SAXO1: variants seen among roughly 807,000 people sequenced by gnomAD.
SAXO1 encodes the protein stabilizer of axonemal microtubules 1.
SAXO1 carries 21 observed loss-of-function variants against 17.5 expected under a neutral mutation model. That is an observed-to-expected ratio of 1.20 (90% CI 0.85 to 1.72). The LOEUF (loss-of-function observed/expected upper bound fraction) is 1.72, where lower values mean the gene tolerates loss of function less well. Ranked by LOEUF, SAXO1 falls within the 40% of genes most tolerant of loss-of-function variation. SAXO1 has a pLI of 0.00. For missense variants in SAXO1, 843 were observed against 596.0 expected (o/e 1.41, Z -4.32); for synonymous variants, 274 against 216.5 (o/e 1.27, Z -2.33).
intron 1 of SAXO1, chr9:19,027,228 CGACA>C (rs1321768634): frequency 8.6e-7 from 1 of 1,157,402 alleles, no homozygotes. Context: ...AACCTCTACA[CGACA>C]GACATACTTC....
chr9:18,988,129 C>T (rs956652464), intron 1 of SAXO1, among the ~76,000 whole-genome samples: 3 of 152,150 alleles, frequency 2.0e-5, no homozygotes, highest in African/African-American at 7.2e-5. Flanking sequence ...TTTGAAAAAG[C>T]ACAGAATGAG....
At position 18,967,784 on chromosome 9, in the gene SAXO1, T is replaced by C. The variant is rs536751844; in HGVS notation, c.39-16847A>G. 2.4e-4 allele frequency among the ~76,000 whole-genome samples: 34 copies of C among 142,768 alleles called. 1 individual carries two copies. The highest frequency in any genetic ancestry group is 1.3e-3 in the Admixed American group (20 of 15,134). The allele number at this position is 142,768 out of a possible 152,430, so 93.7% of individuals were successfully genotyped here. A position where few individuals can be genotyped will look rare whatever the true frequency, so the allele number is the denominator to read the frequency against. ...TGTCTCACCAGCGTTCCGGGCACCA[T>C]TGGGGTATGAAAAAAAAAACTCCTG... On this transcript the variant is annotated intron_variant, in intron 1 of 3. Coordinates refer to ENST00000380534, the MANE Select transcript of SAXO1 (RefSeq NM_153707.4).
chr9:19,011,588 G>C (rs11789032), intron 1 of SAXO1, among the ~76,000 whole-genome samples: 11,815 of 152,226 alleles, frequency 0.078, 594 homozygotes, highest in African/African-American at 0.13. Flanking sequence ...TTGGTGGAAA[G>C]TAGGGTCAAA....
At chr9:19,039,086 G>C (rs765714943) in intron 1 of SAXO1, among the ~76,000 whole-genome samples, 1 of 151,084 alleles carries the variant, frequency 6.6e-6, no homozygotes, top group Non-Finnish European at 1.5e-5. Context: ...AAAGTGGTGA[G>C]ATCACACCAC....
At chr9:18,934,843 T>G (rs946142683) in intron 3 of SAXO1, among the ~76,000 whole-genome samples, 1 of 152,248 alleles carries the variant, frequency 6.6e-6, no homozygotes, top group African/African-American at 2.4e-5. Context: ...CCTGCACTAA[T>G]TCCATAGAGT....
At chr9:18,965,709 CTG>C (rs1251994573) in intron 1 of SAXO1, among the ~76,000 whole-genome samples, 1 of 152,202 alleles carries the variant, frequency 6.6e-6, no homozygotes, top group East Asian at 1.9e-4. Context: ...ATTTGCCAGT[CTG>C]TGTCTTTTAA....
chr9:18,960,005 G>A (rs935359773), intron 1 of SAXO1, among the ~76,000 whole-genome samples: 3 of 152,160 alleles, frequency 2.0e-5, no homozygotes, highest in South Asian at 2.1e-4. Context: ...CAGGCATCAG[G>A]CTGAGTGGGC....
chr9:18,982,342 T>C (rs563320397), intron 1 of SAXO1, among the ~76,000 whole-genome samples: 2 of 152,208 alleles, frequency 1.3e-5, no homozygotes, highest in Non-Finnish European at 2.9e-5. Flanking sequence ...GCAATTTTTA[T>C]TGGGTAATAA....
intron 1 of SAXO1, among the ~76,000 whole-genome samples, chr9:19,028,300 C>T (rs1352876358): frequency 6.6e-6 from 1 of 152,144 alleles, no homozygotes; most frequent in Non-Finnish European, 1.5e-5. Flanking sequence ...CGCTTGAGCC[C>T]GGGAGGCGGA....
intron 1 of SAXO1, among the ~76,000 whole-genome samples, chr9:19,025,648 A>G (rs567063917): frequency 2.7e-4 from 41 of 152,356 alleles, no homozygotes; most frequent in African/African-American, 8.7e-4. Context: ...CCAATGCTTC[A>G]TAAATATTTC....
intron 1 of SAXO1, among the ~76,000 whole-genome samples, chr9:19,045,490 G>T (rs1334279432): frequency 6.6e-6 from 1 of 152,170 alleles, no homozygotes; most frequent in African/African-American, 2.4e-5. Flanking sequence ...AAACACCAGA[G>T]ACACAGAGGA....
At chr9:19,026,130 G>C (rs1160173825) in intron 1 of SAXO1, among the ~76,000 whole-genome samples, 1 of 152,130 alleles carries the variant, frequency 6.6e-6, no homozygotes, top group East Asian at 1.9e-4. Flanking sequence ...ACAAATAAAT[G>C]ATCAATGTGT....
chr9:19,025,576 C>A (rs1835438350), intron 1 of SAXO1, among the ~76,000 whole-genome samples: 1 of 152,200 alleles, frequency 6.6e-6, no homozygotes, highest in Admixed American at 6.5e-5. Context: ...AATCCACATC[C>A]TTTTCAGCAA....
intron 1 of SAXO1, among the ~76,000 whole-genome samples, chr9:19,006,612 G>C (rs10757017): frequency 0.47 from 71,961 of 152,056 alleles, 18,226 homozygotes; most frequent in Non-Finnish European, 0.57. Flanking sequence ...GGCAGGATGG[G>C]AGGGAGGGGT....
In SAXO1 at chr9:18,945,998, C is replaced by T. The variant is rs557854596; in HGVS notation, c.219-4159G>A. Among the ~76,000 whole-genome samples the T allele has an allele frequency of 2.4e-3, 361 of 152,206 alleles. 1 individual carries two copies. The highest frequency in any genetic ancestry group is 7.7e-3 in the African/African-American group (321 of 41,532). On this transcript the variant is annotated intron_variant, in intron 2 of 3. Coordinates refer to ENST00000380534, the MANE Select transcript of SAXO1 (RefSeq NM_153707.4). ...TGACTACAAAAACCAGAAGGCTGGCCGGGCACGGTGGCCCATGCTTGTAAT... is the reference window on the plus strand; with the variant it reads ...TGACTACAAAAACCAGAAGGCTGGCTGGGCACGGTGGCCCATGCTTGTAAT...
chr9:18,939,507 G>A lies in SAXO1; in HGVS notation c.421+2130C>T, dbSNP rs1034560474. On this transcript the variant is annotated intron_variant, in intron 3 of 3. Coordinates refer to ENST00000380534, the MANE Select transcript of SAXO1 (RefSeq NM_153707.4). ...CATATAGCATCCAGCCTGACATGGC[G>A]GAAGGGCTCAGAATGTGATCTTTCA... 5.3e-5 allele frequency among the ~76,000 whole-genome samples: 8 copies of A among 152,238 alleles called. No individual in the cohort carries two copies. The South Asian group carries it at 1.0e-3, about 20-fold the overall frequency.
chr9:18,983,046 G>A (rs1398132315), intron 1 of SAXO1, among the ~76,000 whole-genome samples: 1 of 151,980 alleles, frequency 6.6e-6, no homozygotes, highest in Non-Finnish European at 1.5e-5. Context: ...TAGCCAGACG[G>A]ACCATTAGCA....
At chr9:19,040,148 G>A (rs908813561) in intron 1 of SAXO1, among the ~76,000 whole-genome samples, 1 of 152,148 alleles carries the variant, frequency 6.6e-6, no homozygotes, top group Non-Finnish European at 1.5e-5. Flanking sequence ...TGATTTATAA[G>A]ATGCTAAATG....
chr9:19,032,394 T>C (rs1216713710), intron 1 of SAXO1, among the ~76,000 whole-genome samples: 1 of 152,248 alleles, frequency 6.6e-6, no homozygotes, highest in Non-Finnish European at 1.5e-5. Context: ...GTTTTCATTA[T>C]CCTTATTCAA....
Sources: gnomAD v4.1 joint callset for allele counts (sites outside exome capture counted in the v4.1 genomes callset) on GRCh38, gnomAD v4.1.1 for gene constraint, MANE v1.5 for transcripts, NCBI Gene and HGNC (gene_info 2026-07-23, HGNC 2026-07-21) for gene names.